PENK: variants seen among roughly 807,000 people sequenced by gnomAD.
The protein encoded by PENK is proenkephalin, also known as proenkephalin-A.
Under a neutral mutation model 24.1 loss-of-function variants are expected in PENK, and 25 were observed. The ratio of observed to expected loss-of-function variants is 1.04; its 90% CI spans 0.76 to 1.45. The LOEUF (loss-of-function observed/expected upper bound fraction) is 1.45. Among genes scored for constraint, PENK ranks in the 40% most tolerant of loss-of-function variants. The probability of loss-of-function intolerance (pLI) is 0.00; values close to 1 mark genes in which losing one functional copy is unlikely to be tolerated. For missense variants in PENK, 353 were observed against 337.9 expected (o/e 1.04, Z -0.35); for synonymous variants, 135 against 130.3 (o/e 1.04, Z -0.24).
chr8:56,446,203 C>G (rs1245217592), intron 2 of PENK: 1 of 523,656 alleles, frequency 1.9e-6, no homozygotes. Flanking sequence ...GCACCCGGCT[C>G]TTTTCCTGGG....
Position 56,444,032 on chromosome 8 carries a change from G to A in PENK, c.138+1784C>T, listed in dbSNP as rs538218145. The stretch of plus-strand genomic sequence containing the variant: ...CTCCCCCACAATCCTGTTACATGAT[G>A]AGAAGAGGGTGAGAGAGGGAGAGAA... On this transcript the variant is annotated intron_variant, in intron 3 of 3. Transcript: ENST00000451791. 3.1e-5 allele frequency: 22 copies of A among 701,314 alleles called. 1 individual carries two copies. Among genetic ancestry groups the A allele is most frequent in the South Asian group, 1.5e-4 (10 of 67,202 alleles). The allele number at this position is 701,314 out of a possible 1,614,324, so 43.4% of individuals were successfully genotyped here.
intron 3 of PENK, chr8:56,444,034 G>T (rs1804607474): frequency 2.1e-5 from 15 of 700,870 alleles, no homozygotes; most frequent in South Asian, 2.1e-4. Flanking sequence ...TACATGATGA[G>T]AAGAGGGTGA....
chr8:56,442,153 C>A (rs1036178212), intron 3 of PENK, among the ~76,000 whole-genome samples: 8 of 152,062 alleles, frequency 5.3e-5, no homozygotes, highest in Admixed American at 5.2e-4. Context: ...TTCACTGAAT[C>A]CAGTTAGGAA....
At chr8:56,442,938 C>T (rs1208374610) in intron 3 of PENK, among the ~76,000 whole-genome samples, 2 of 151,996 alleles carry the variant, frequency 1.3e-5, no homozygotes, top group Non-Finnish European at 2.9e-5. Flanking sequence ...AATATGTGAA[C>T]ATTTACAAAA....
rs200292164 is a variant in PENK at position 56,441,780 on chromosome 8, C to A, written c.296G>T (p.Arg99Met). The A allele has an allele frequency of 6.2e-7, 1 of 1,614,040 alleles. No individual in the cohort carries two copies. Among genetic ancestry groups the A allele is most frequent in the Non-Finnish European group, 8.5e-7 (1 of 1,180,030 alleles). ...KPEESHLLAK[R>M]YGGFMKRYGG... Reference sequence around the variant, plus strand: ...ATACCTTTTCATGAAGCCCCCATACCTTTTGGCTAGCAAATGGCTTTCTTC... The same window carrying A: ...ATACCTTTTCATGAAGCCCCCATACATTTTGGCTAGCAAATGGCTTTCTTC... Residue 99 changes from arginine (R) to methionine (M), a missense_variant, in exon 4 of 4, where the codon AGG becomes ATG. By Grantham distance (91) the Arg-to-Met change is moderately conservative (BLOSUM62 -1). Coordinates refer to ENST00000451791, the MANE Select transcript of PENK (RefSeq NM_001135690.3).
intron 3 of PENK, chr8:56,443,759 AC>A: frequency 2.4e-6 from 1 of 415,338 alleles, no homozygotes; most frequent in Non-Finnish European, 4.2e-6. Flanking sequence ...CACTAAGTAA[AC>A]CTTTTGTCAT....
At chr8:56,446,126 G>A in intron 2 of PENK, 170 bp from the exon 3 acceptor site, 1 of 680,902 alleles carries the variant, frequency 1.5e-6, no homozygotes, top group Non-Finnish European at 2.4e-6. Context: ...GGTAGACGTG[G>A]AGGCGACTCA....
At chr8:56,445,667 C>T (rs1010560355) in intron 3 of PENK, 149 bp downstream of exon 3, 2 of 948,666 alleles carry the variant, frequency 2.1e-6, no homozygotes, top group African/African-American at 3.2e-5. Context: ...ACAGCTGAGA[C>T]ACCCAGGTCA....
intron 2 of PENK, chr8:56,446,208 C>T (rs1028175584): frequency 4.1e-5 from 21 of 516,052 alleles, no homozygotes; most frequent in Non-Finnish European, 7.2e-5. Context: ...CGGCTCTTTT[C>T]CTGGGCGTCC....
chr8:56,443,438 T>A (rs1021047609), intron 3 of PENK: 1 of 152,336 alleles, frequency 6.6e-6, no homozygotes, highest in Non-Finnish European at 1.5e-5. Context: ...AATGCACTCG[T>A]ACTAAGGTAG....
At position 56,441,922 on chromosome 8, in the gene PENK, A is replaced by T. The variant is rs1804567669; in HGVS notation, c.154T>A (p.Cys52Ser). The change falls in exon 4 of 4, where the codon TGT becomes AGT. Residue 52 changes from cysteine (C) to serine (S), a missense_variant. By Grantham distance (112) the Cys-to-Ser change is moderately radical (BLOSUM62 -1). Transcript: ENST00000451791. ...TTCAGAGAAGGCAGTTTACCTTCAC[A>T]TTCCATTACGCAAGCCTGGGAAAAC... The part of the protein sequence containing the change: ...DINFLACVME[C>S]EGKLPSLKIW... The T allele has an allele frequency of 4.3e-6, 7 of 1,612,240 alleles. No individual in the cohort carries two copies. Among genetic ancestry groups the T allele is most frequent in the Non-Finnish European group, 5.9e-6 (7 of 1,178,900 alleles).
Position 56,441,405 on chromosome 8 carries a change from A to G in PENK, c.671T>C (p.Met224Thr). The G allele has an allele frequency of 1.9e-6, 3 of 1,614,058 alleles. No individual in the cohort carries two copies. Among genetic ancestry groups the G allele is most frequent in the Non-Finnish European group, 2.5e-6 (3 of 1,180,016 alleles). Residue 224 changes from methionine to threonine, a missense_variant, in exon 4 of 4, where the codon ATG becomes ACG. Met to Thr is a moderately conservative substitution (Grantham distance 81). Transcript: ENST00000451791. ...ACCTCCATACCGTTTCTGGTAGTCCATCCACCACTCTGGGCGACCTACTCT... is the reference window on the plus strand; with the variant it reads ...ACCTCCATACCGTTTCTGGTAGTCCGTCCACCACTCTGGGCGACCTACTCT... ...MRRVGRPEWW[M>T]DYQKRYGGFL... is the part of the protein sequence containing the mutation.
chr8:56,444,057 A>G, intron 3 of PENK: 1 of 695,034 alleles, frequency 1.4e-6, no homozygotes, highest in South Asian at 1.5e-5. Context: ...GAGGGAGAGA[A>G]GTCAAGATTT....
At position 56,441,884 on chromosome 8, in the gene PENK, G is replaced by A. The variant is rs1275381046; in HGVS notation, c.192C>T (p.Thr64=). 3.1e-6 allele frequency: 5 copies of A among 1,613,752 alleles called. No homozygotes were observed. Among genetic ancestry groups the A allele is most frequent in the Non-Finnish European group, 3.4e-6 (4 of 1,179,928 alleles). Residue 64 remains threonine (T), a synonymous_variant, in exon 4 of 4, where the codon ACC becomes ACT. Coordinates refer to ENST00000451791, the MANE Select transcript of PENK (RefSeq NM_001135690.3). ...TGGACAGCTGCAGGAGCTCCTTGCA[G>A]GTTTCCCAAATTTTCAGAGAAGGCA... is the stretch of plus-strand genomic sequence containing the variant. The part of the protein sequence containing the change: ...GKLPSLKIWE[T]CKELLQLSKP...
At chr8:56,445,322 A>C in intron 3 of PENK, 1 of 266,782 alleles carries the variant, frequency 3.7e-6, no homozygotes, top group Middle Eastern at 1.1e-3. Context: ...TGAGGTTAAG[A>C]GAGCTGGGGA....
chr8:56,442,250 CA>C (rs1399435717), intron 3 of PENK, among the ~76,000 whole-genome samples: 1 of 152,146 alleles, frequency 6.6e-6, no homozygotes, highest in African/African-American at 2.4e-5. Context: ...TGACTGCTTT[CA>C]CAATCTAATT....
At chr8:56,445,749 A>C in intron 3 of PENK, 67 bp downstream of exon 3, 1 of 1,596,752 alleles carries the variant, frequency 6.3e-7, no homozygotes, top group Non-Finnish European at 8.6e-7. Context: ...GGCCGGAGGC[A>C]GTCCGCGTAC....
In PENK at chr8:56,445,932, A is replaced by C; in HGVS notation, c.22T>G (p.Cys8Gly). 6.2e-7 allele frequency: 1 copy of C among 1,611,696 alleles called. No individual in the cohort carries two copies. The highest frequency in any genetic ancestry group is 8.5e-7 in the Non-Finnish European group (1 of 1,179,270). MARFLTL[C>G]TWLLLLGPGL... is the part of the protein sequence containing the mutation. ...GGGCCGAGCAACAGCAGCCAAGTGC[A>C]AAGTGTCAGGAACCGCGCCATGGAC... Residue 8 changes from cysteine (C) to glycine (G), a missense_variant, in exon 3 of 4, where the codon TGC becomes GGC. Physicochemically the swap from Cys to Gly is radical, Grantham distance 159. Coordinates refer to ENST00000451791, the MANE Select transcript of PENK (RefSeq NM_001135690.3).
chr8:56,441,483 TGGG>T lies in PENK; in HGVS notation c.590_592del (p.Pro197del). 6.2e-7 allele frequency: 1 copy of T among 1,613,578 alleles called. No homozygotes were observed. The highest frequency in any genetic ancestry group is 2.2e-5 in the East Asian group (1 of 44,860). On this transcript the variant is annotated inframe_deletion, in exon 4 of 4. Coordinates refer to ENST00000451791, the MANE Select transcript of PENK (RefSeq NM_001135690.3). Reference sequence around the variant, plus strand: ...CAGCTCTTTGGCTTCATCTTCCAGTTGGGGGCTTCTCTTTAAGCCTCTCATGAA... The same window carrying T: ...CAGCTCTTTGGCTTCATCTTCCAGTTGGCTTCTCTTTAAGCCTCTCATGAA...
Sources: gnomAD v4.1 joint callset for allele counts (sites outside exome capture counted in the v4.1 genomes callset) on GRCh38, gnomAD v4.1.1 for gene constraint, MANE v1.5 for transcripts, NCBI Gene and HGNC (gene_info 2026-07-23, HGNC 2026-07-21) for gene names.